LIPC: variants seen among roughly 807,000 people sequenced by gnomAD.
LIPC encodes the protein hepatic triacylglycerol lipase.
Under a neutral mutation model 50.7 loss-of-function variants are expected in LIPC, and 44 were observed. That is an observed-to-expected ratio of 0.87 (90% CI 0.68 to 1.11). The LOEUF is 1.11. LIPC is among the 50% of genes most tolerant of loss of function. The pLI is 0.00. For missense variants in LIPC, 697 were observed against 648.2 expected (o/e 1.08, Z -0.82); for synonymous variants, 271 against 256.4 (o/e 1.06, Z -0.54).
intron 1 of LIPC, among the ~76,000 whole-genome samples, chr15:58,460,011 C>T (rs1418555248): frequency 1.3e-5 from 2 of 152,196 alleles, no homozygotes; most frequent in African/African-American, 2.4e-5. Context: ...CAAGGCTCAC[C>T]CTGGAGGCCC....
At chr15:58,444,006 C>T (rs1893598508) in intron 1 of LIPC, among the ~76,000 whole-genome samples, 1 of 152,204 alleles carries the variant, frequency 6.6e-6, no homozygotes, top group African/African-American at 2.4e-5. Context: ...AGGCTATTTT[C>T]ACTTCTTTTG....
chr15:58,466,530 G>A (rs1894571078), intron 1 of LIPC, among the ~76,000 whole-genome samples: 1 of 152,200 alleles, frequency 6.6e-6, no homozygotes, highest in African/African-American at 2.4e-5. Context: ...AGGATGTATG[G>A]TAATTTTAAA....
chr15:58,489,217 CGGG>C (rs59532809), intron 1 of LIPC, among the ~76,000 whole-genome samples: 2 of 16,546 alleles, frequency 1.2e-4, no homozygotes, highest in Non-Finnish European at 3.5e-4. Context: ...CATTTTGTTG[CGGG>C]GGCGGGGGGG....
chr15:58,568,628 AATT>A, intron 8 of LIPC, 85 bp from the exon 9 acceptor site: 1 of 803,236 alleles, frequency 1.2e-6, no homozygotes, highest in Admixed American at 1.9e-5. Flanking sequence ...GCCTTACACA[AATT>A]GAGTGAAATT....
At chr15:58,565,610 C>T in intron 8 of LIPC, 2 of 1,078,590 alleles carry the variant, frequency 1.9e-6, no homozygotes, top group African/African-American at 1.6e-5. Context: ...AGCTTGAGGA[C>T]ATTGCTCAAA....
At chr15:58,530,449 T>C (rs1356484929) in intron 1 of LIPC, among the ~76,000 whole-genome samples, 1 of 152,238 alleles carries the variant, frequency 6.6e-6, no homozygotes, top group Non-Finnish European at 1.5e-5. Context: ...GGCCCAGCCC[T>C]GACTTATGCA....
At chr15:58,465,800 T>C (rs1894539872) in intron 1 of LIPC, among the ~76,000 whole-genome samples, 1 of 152,108 alleles carries the variant, frequency 6.6e-6, no homozygotes, top group Non-Finnish European at 1.5e-5. Context: ...GCATCAAAGC[T>C]CTCTAATCTT....
chr15:58,532,593 G>T (rs1247475936), intron 1 of LIPC, among the ~76,000 whole-genome samples: 1 of 152,192 alleles, frequency 6.6e-6, no homozygotes, highest in Non-Finnish European at 1.5e-5. Flanking sequence ...AGCAATACCC[G>T]AGGCTTCTTT....
intron 1 of LIPC, among the ~76,000 whole-genome samples, chr15:58,499,807 G>C (rs982410653): frequency 2.0e-5 from 3 of 152,308 alleles, no homozygotes; most frequent in African/African-American, 7.2e-5. Context: ...TTGGATAACA[G>C]AAGTGGTCTA....
intron 1 of LIPC, among the ~76,000 whole-genome samples, chr15:58,487,419 G>A (rs945270644): frequency 2.0e-5 from 3 of 152,248 alleles, no homozygotes; most frequent in South Asian, 2.1e-4. Flanking sequence ...ATTATTTTTA[G>A]TGGTGGTAAT....
At position 58,473,115 on chromosome 15, in the gene LIPC, G is replaced by A. The variant is rs116565608; in HGVS notation, c.88+40995G>A. Among the ~76,000 whole-genome samples the A allele has an allele frequency of 8.2e-3, 1,250 of 152,230 alleles. 18 individuals are homozygous for A. The highest frequency in any genetic ancestry group is 0.028 in the African/African-American group (1,148 of 41,536). ...GCAGTCCCAGCAGCTGGGACCTCAT[G>A]CCTCAACCAAGGATCAGCACTGGGT... is the stretch of plus-strand genomic sequence containing the variant. On this transcript the variant is annotated intron_variant, in intron 1 of 8. Coordinates refer to ENST00000299022, the MANE Select transcript of LIPC (RefSeq NM_000236.3).
intron 7 of LIPC, among the ~76,000 whole-genome samples, chr15:58,563,171 C>T (rs936023892): frequency 3.2e-4 from 49 of 152,124 alleles, no homozygotes; most frequent in Non-Finnish European, 3.5e-4. Flanking sequence ...GTCCAGACGC[C>T]GTTGCCAAAG....
rs1893603482 is a variant in LIPC, at chr15:58,548,207, C to T, written c.809-123C>T. ...TTGTCAAGGGGTCTGCCTTGACAAG[C>T]CCACCCTTGCCTGTTCTGTGTGCTA... On this transcript the variant is annotated intron_variant, in intron 5 of 8. Transcript: ENST00000299022. 23 of 1,305,654 alleles carry T rather than the reference C, an allele frequency of 1.8e-5. No homozygotes were observed. The South Asian group carries it at 2.8e-4, about 16-fold the overall frequency. 80.9% of individuals were successfully genotyped at this position (1,305,654 alleles called of 1,614,324 possible).
chr15:58,482,403 C>T (rs1389675688), intron 1 of LIPC, among the ~76,000 whole-genome samples: 2 of 139,088 alleles, frequency 1.4e-5, no homozygotes, highest in African/African-American at 2.7e-5. Flanking sequence ...GGGTTGTCTA[C>T]GTGTATGGAG....
intron 1 of LIPC, among the ~76,000 whole-genome samples, chr15:58,495,617 T>C (rs566601046): frequency 1.7e-4 from 26 of 152,316 alleles, no homozygotes; most frequent in African/African-American, 3.8e-4. Context: ...ATTTTATAGA[T>C]GAGGAAATTG....
chr15:58,432,883 A>G (rs897192462), intron 1 of LIPC, among the ~76,000 whole-genome samples: 2 of 152,206 alleles, frequency 1.3e-5, no homozygotes, highest in Non-Finnish European at 2.9e-5. Context: ...GCTAAGGTAG[A>G]GTCTGAGATT....
At chr15:58,524,284 G>C (rs1358847060) in intron 1 of LIPC, among the ~76,000 whole-genome samples, 1 of 152,188 alleles carries the variant, frequency 6.6e-6, no homozygotes, top group East Asian at 1.9e-4. Context: ...TGTTTCTTTA[G>C]TCAAGCTGCA....
intron 1 of LIPC, among the ~76,000 whole-genome samples, chr15:58,464,450 TAAC>T (rs1894466146): frequency 6.6e-6 from 1 of 152,234 alleles, no homozygotes; most frequent in Non-Finnish European, 1.5e-5. Flanking sequence ...AGCAAATACT[TAAC>T]TAGTACAAAT....
intron 1 of LIPC, among the ~76,000 whole-genome samples, chr15:58,439,563 C>T (rs1279386117): frequency 1.3e-5 from 2 of 152,306 alleles, no homozygotes; most frequent in Non-Finnish European, 2.9e-5. Flanking sequence ...CCTGCCTCAG[C>T]CTCCTGAGTA....
Sources: allele counts gnomAD v4.1 joint callset (sites outside exome capture counted in the v4.1 genomes callset), GRCh38; gene constraint gnomAD v4.1.1; transcripts MANE v1.5; gene names NCBI Gene and HGNC (gene_info 2026-07-23, HGNC 2026-07-21).